The following NETO2 variants were observed in gnomAD, a reference collection of about 807,000 sequenced individuals.
The protein encoded by NETO2 is neuropilin and tolloid-like protein 2.
In NETO2, 28 loss-of-function variants were observed where a neutral mutation model predicts 62.5. The observed-to-expected ratio is 0.45, with a 90% confidence interval of 0.33 to 0.61. The LOEUF is 0.61. Among genes scored for constraint, NETO2 ranks in the 20% least tolerant of loss-of-function variants. The pLI, the probability that NETO2 is intolerant of heterozygous loss-of-function variation, is 0.02. For missense variants in NETO2, 548 were observed against 643.2 expected (o/e 0.85, Z 1.60); for synonymous variants, 214 against 219.1 (o/e 0.98, Z 0.21).
At chr16:47,136,906 C>T (rs1964370741) in intron 1 of NETO2, among the ~76,000 whole-genome samples, 1 of 151,838 alleles carries the variant, frequency 6.6e-6, no homozygotes, top group Admixed American at 6.6e-5. Context: ...CCTTCATTTA[C>T]TAACGACAGA....
intron 1 of NETO2, among the ~76,000 whole-genome samples, chr16:47,133,981 A>G (rs1964320831): frequency 2.0e-5 from 3 of 152,158 alleles, no homozygotes; most frequent in Admixed American, 2.0e-4. Context: ...TGTTTGCATT[A>G]CCATCTTTGA....
chr16:47,112,382 A>G (rs1963819335), intron 6 of NETO2, among the ~76,000 whole-genome samples: 1 of 152,222 alleles, frequency 6.6e-6, no homozygotes, highest in Admixed American at 6.5e-5. Flanking sequence ...TTTTTTAGAC[A>G]GAATCTCACT....
chr16:47,122,334 AT>A (rs1185419008), intron 6 of NETO2, among the ~76,000 whole-genome samples: 2 of 152,160 alleles, frequency 1.3e-5, no homozygotes, highest in Non-Finnish European at 2.9e-5. Flanking sequence ...AAAGCTGTTA[AT>A]GAATCTATAA....
At chr16:47,093,798 CTATT>C (rs1963366058) in intron 7 of NETO2, among the ~76,000 whole-genome samples, 1 of 152,168 alleles carries the variant, frequency 6.6e-6, no homozygotes, top group East Asian at 1.9e-4. Context: ...TTGAGAAAAA[CTATT>C]AATTTTCAAA....
At chr16:47,143,419 C>A (rs1964506103) in intron 1 of NETO2, among the ~76,000 whole-genome samples, 160 bp downstream of exon 1, 1 of 151,960 alleles carries the variant, frequency 6.6e-6, no homozygotes, top group South Asian at 2.1e-4. Flanking sequence ...CCGGGCAGGG[C>A]TCGCGCCCCG....
At chr16:47,104,321 C>G (rs1396129688) in intron 7 of NETO2, among the ~76,000 whole-genome samples, 2 of 152,116 alleles carry the variant, frequency 1.3e-5, no homozygotes, top group East Asian at 3.8e-4. Context: ...ATAAATTTAA[C>G]TAAGGGGGCA....
rs1483417800 is a variant in NETO2, at chr16:47,082,910, C to T, written c.*311G>A. On this transcript the variant is annotated 3_prime_UTR_variant, in exon 9 of 9. Transcript: ENST00000562435. ...AAGAGCAGTCTTCTTGTTGCTAAAA[C>T]GAAGAGGCAGCCTGAGCCTGGCTCC... The T allele has an allele frequency of 1.5e-5, 4 of 266,700 alleles. No individual in the cohort carries two copies. Among genetic ancestry groups the T allele is most frequent in the Non-Finnish European group, 2.8e-5 (4 of 142,584 alleles). The allele number at this position is 266,700 out of a possible 1,614,324, so 16.5% of individuals were successfully genotyped here.
chr16:47,094,263 A>ATTTTTTTTTTT (rs35543379), intron 7 of NETO2, among the ~76,000 whole-genome samples: 3 of 137,780 alleles, frequency 2.2e-5, no homozygotes, highest in Non-Finnish European at 3.1e-5. Flanking sequence ...TATCACTTGG[A>ATTTTTTTTTTT]TTTTTTTTTT....
intron 3 of NETO2, 80 bp from the exon 4 acceptor site, chr16:47,128,653 A>G: frequency 6.7e-7 from 1 of 1,485,706 alleles, no homozygotes; most frequent in African/African-American, 1.4e-5. Flanking sequence ...AGAAAAGCAG[A>G]ATAACTGTTC....
chr16:47,111,553 C>T (rs1567389440), intron 6 of NETO2, among the ~76,000 whole-genome samples: 1 of 152,170 alleles, frequency 6.6e-6, no homozygotes, highest in Non-Finnish European at 1.5e-5. Context: ...CTCCAGATTG[C>T]ATGAGAAGGG....
rs1963605657 is a variant in NETO2, at chr16:47,103,642, T to C, written c.883+5841A>G. Among the ~76,000 whole-genome samples the C allele has an allele frequency of 1.3e-5, 2 of 151,818 alleles. 1 individual carries two copies. The highest frequency in any genetic ancestry group is 2.9e-5 in the Non-Finnish European group (2 of 67,960). The stretch of plus-strand genomic sequence containing the variant: ...ATTAATATAAAAATCCTCAAGAAAA[T>C]TATTACTTCAGAATTCAGCAACATA... On this transcript the variant is annotated intron_variant, in intron 7 of 8. Transcript: ENST00000562435.
intron 1 of NETO2, among the ~76,000 whole-genome samples, chr16:47,136,177 TATATG>T (rs1325976827): frequency 4.6e-5 from 7 of 152,248 alleles, no homozygotes; most frequent in East Asian, 3.9e-4. Context: ...ATAAAAACAA[TATATG>T]ATATATTTAT....
At chr16:47,100,563 A>G (rs1175094496) in intron 7 of NETO2, among the ~76,000 whole-genome samples, 1 of 152,186 alleles carries the variant, frequency 6.6e-6, no homozygotes, top group Non-Finnish European at 1.5e-5. Flanking sequence ...TAGTCAGACT[A>G]ATAAAGAAGA....
At position 47,083,528 on chromosome 16, in the gene NETO2, T is replaced by A; in HGVS notation, c.1271A>T (p.Lys424Met). The A allele has an allele frequency of 5.0e-6, 8 of 1,614,192 alleles. No individual in the cohort carries two copies. The highest frequency in any genetic ancestry group is 6.8e-6 in the Non-Finnish European group (8 of 1,180,034). The change falls in exon 9 of 9, where the codon AAG (lysine) becomes ATG (methionine). Residue 424 changes from lysine (K) to methionine (M), a missense_variant. Lys to Met is a moderately conservative substitution (Grantham distance 95, BLOSUM62 -1). Coordinates refer to ENST00000562435, the MANE Select transcript of NETO2 (RefSeq NM_018092.5). ...DLSEELDNYQ[K>M]MRRSSTASRC... ...GGAGGCGGTGGAGGAGCGCCGCATC[T>A]TCTGGTAGTTGTCCAATTCTTCCGA...
rs777394017 is a variant in NETO2, at chr16:47,081,101, C to T, written c.*2120G>A. On this transcript the variant is annotated 3_prime_UTR_variant, in exon 9 of 9. Coordinates refer to ENST00000562435, the MANE Select transcript of NETO2 (RefSeq NM_018092.5). The stretch of plus-strand genomic sequence containing the variant: ...AATTTCAAAAACAAAAATGTAGTTA[C>T]AAGTGACTATAGTTTAGCATACTGT... 2 of 152,176 alleles carry T rather than the reference C, an allele frequency of 1.3e-5. No homozygotes were observed. The highest frequency in any genetic ancestry group is 2.9e-5 in the Non-Finnish European group (2 of 67,964). The allele number at this position is 152,176 out of a possible 1,614,324, so 9.4% of individuals were successfully genotyped here. A position where few individuals can be genotyped will look rare whatever the true frequency, so the allele number is the denominator to read the frequency against.
At position 47,129,381 on chromosome 16, in the gene NETO2, A is replaced by G; in HGVS notation, c.92-17T>C. On this transcript the variant is annotated splice_polypyrimidine_tract_variant and intron_variant, in intron 2 of 8. Coordinates refer to ENST00000562435, the MANE Select transcript of NETO2 (RefSeq NM_018092.5). ...TTTGTCCATCTTAGGGAAAAACGGC[A>G]TTTAAAACACTCATTACAGCAAAAG... is the stretch of plus-strand genomic sequence containing the variant. 6.2e-7 allele frequency: 1 copy of G among 1,612,226 alleles called. No individual in the cohort carries two copies. The highest frequency in any genetic ancestry group is 8.5e-7 in the Non-Finnish European group (1 of 1,179,272).
At chr16:47,102,705 C>T (rs987365141) in intron 7 of NETO2, among the ~76,000 whole-genome samples, 2 of 151,938 alleles carry the variant, frequency 1.3e-5, no homozygotes, top group African/African-American at 2.4e-5. Context: ...CTCATCATCA[C>T]GGTCATTAGA....
intron 7 of NETO2, among the ~76,000 whole-genome samples, chr16:47,103,162 T>A (rs988951721): frequency 6.6e-6 from 1 of 152,072 alleles, no homozygotes; most frequent in Non-Finnish European, 1.5e-5. Flanking sequence ...AAGCTGGAAA[T>A]CATCATTCTC....
chr16:47,122,895 GGTAA>G lies in NETO2; in HGVS notation c.495_498del (p.Tyr166Ter). On this transcript the variant is annotated frameshift_variant, in exon 5 of 9. Coordinates refer to ENST00000562435, the MANE Select transcript of NETO2 (RefSeq NM_018092.5). LOFTEE classifies it high-confidence loss of function. ...GGAATGGGATTTAAAATACCTCCTA[GGTAA>G]GTAAAGTCTGGATCTGTAACAGAAA... 1.2e-6 allele frequency: 2 copies of G among 1,613,674 alleles called. No individual in the cohort carries two copies. Among genetic ancestry groups the G allele is most frequent in the Non-Finnish European group, 1.7e-6 (2 of 1,179,768 alleles).
Sources: gnomAD v4.1 joint callset for allele counts (sites outside exome capture counted in the v4.1 genomes callset) on GRCh38, gnomAD v4.1.1 for gene constraint, MANE v1.5 for transcripts, NCBI Gene and HGNC (gene_info 2026-07-23, HGNC 2026-07-21) for gene names.